The following CMTM3 variants were observed in gnomAD, a reference collection of about 807,000 sequenced individuals.
The protein encoded by CMTM3 is CKLF-like MARVEL transmembrane domain-containing protein 3.
Under a neutral mutation model 18.2 loss-of-function variants are expected in CMTM3, and 7 were observed. That is an observed-to-expected ratio of 0.38 (90% CI 0.22 to 0.72). The LOEUF (loss-of-function observed/expected upper bound fraction) is 0.72, where lower values mean the gene tolerates loss of function less well. Ranked by LOEUF, CMTM3 falls within the 30% of genes least tolerant of loss-of-function variation. CMTM3 has a pLI of 0.46. For synonymous variants in CMTM3, 109 were observed against 111.2 expected, an observed-to-expected ratio of 0.98 and a Z score of 0.12; for missense variants, 227 against 249.2, an observed-to-expected ratio of 0.91 and a Z score of 0.60.
chr16:66,604,865 C>T lies in CMTM3; in HGVS notation c.60C>T (p.Pro20=). 1.4e-6 allele frequency: 2 copies of T among 1,400,378 alleles called. No homozygotes were observed. The highest frequency in any genetic ancestry group is 3.0e-5 in the African/African-American group (2 of 66,374). The allele number at this position is 1,400,378 out of a possible 1,614,324, so 86.7% of individuals were successfully genotyped here. Residue 20 remains proline (P), a synonymous_variant, in exon 1 of 5, where the codon CCC becomes CCT. Transcript: ENST00000567572. ...PDPEPAGGSR[P]GPAVPGLRAL... is the part of the protein sequence containing the mutation. Reference sequence around the variant, plus strand: ...CCGAGCCTGCCGGCGGCTCCCGTCCCGGCCCCGCGGTCCCCGGGCTCCGCG... The same window carrying T: ...CCGAGCCTGCCGGCGGCTCCCGTCCTGGCCCCGCGGTCCCCGGGCTCCGCG...
In CMTM3 at chr16:66,608,986, A is replaced by C. The variant is rs2015265345; in HGVS notation, c.304-449A>C. Among the ~76,000 whole-genome samples the C allele has an allele frequency of 6.6e-6, 1 of 152,104 alleles. No homozygotes were observed. The highest frequency in any genetic ancestry group is 6.5e-5 in the Admixed American group (1 of 15,276). ...CTTCATATCCAGCATCTGCTGCCTC[A>C]GGAGGGCTGCACCCTCTGTGTCCCC... On this transcript the variant is annotated intron_variant, in intron 2 of 4. Coordinates refer to ENST00000567572, the MANE Select transcript of CMTM3 (RefSeq NM_181553.4). This position sits in a 1 kb window ranked among gnomAD's most constrained non-coding sequence, Gnocchi z 5.1.
upstream of CMTM3, chr16:66,604,686 T>C: frequency 1.3e-6 from 1 of 761,812 alleles, no homozygotes; most frequent in Non-Finnish European, 1.8e-6. Context: ...CGGCGGGGGA[T>C]GCGCCCCTGC....
chr16:66,611,851 G>A (rs1447093541), intron 4 of CMTM3, among the ~76,000 whole-genome samples: 1 of 151,936 alleles, frequency 6.6e-6, no homozygotes, highest in African/African-American at 2.4e-5. Context: ...TGGGGGAGGG[G>A]GATTGAAGAT....
rs898390394 is a variant in CMTM3, at chr16:66,609,241, G to C, written c.304-194G>C. On this transcript the variant is annotated intron_variant, in intron 2 of 4. Coordinates refer to ENST00000567572, the MANE Select transcript of CMTM3 (RefSeq NM_181553.4). The surrounding 1 kb of genome is among the most constrained non-coding windows in gnomAD (Gnocchi z 4.4). The stretch of plus-strand genomic sequence containing the variant: ...GCCCCGCTGGACCCGGGATAGGGCA[G>C]TGTCAGCTGCTGGCAAGGCAGCAGA... 6 of 598,860 alleles carry C rather than the reference G, an allele frequency of 1.0e-5. No homozygotes were observed. Among genetic ancestry groups the C allele is most frequent in the African/African-American group, 9.3e-5 (5 of 53,872 alleles). The allele number at this position is 598,860 out of a possible 1,614,324, so 37.1% of individuals were successfully genotyped here. A position where few individuals can be genotyped will look rare whatever the true frequency, so the allele number is the denominator to read the frequency against.
chr16:66,610,105 T>C lies in CMTM3; in HGVS notation c.520+102T>C. 2.1e-6 allele frequency: 3 copies of C among 1,437,832 alleles called. No homozygotes were observed. The highest frequency in any genetic ancestry group is 2.9e-6 in the Non-Finnish European group (3 of 1,044,628). 89.1% of individuals were successfully genotyped at this position (1,437,832 alleles called of 1,614,324 possible). On this transcript the variant is annotated intron_variant, in intron 4 of 4. Transcript: ENST00000567572. This position sits in a 1 kb window ranked among gnomAD's most constrained non-coding sequence, Gnocchi z 4.6. ...GGCTGGGGTGGGATCATTTCCTCTC[T>C]CCCCATGGCAGGAAGTGTTTTCACA...
chr16:66,605,282 G>A lies in CMTM3; in HGVS notation c.147+330G>A, dbSNP rs1012124688. ...CGCCCTCTCTGGGCCCCGGGGACTCGGGCAACTCGGACCTCCGGGACTCCC... is the reference window on the plus strand; with the variant it reads ...CGCCCTCTCTGGGCCCCGGGGACTCAGGCAACTCGGACCTCCGGGACTCCC... On this transcript the variant is annotated intron_variant, in intron 1 of 4. Transcript: ENST00000567572. This position sits in a 1 kb window ranked among gnomAD's most constrained non-coding sequence, Gnocchi z 4.6. 3 of 217,590 alleles carry A rather than the reference G, an allele frequency of 1.4e-5. No homozygotes were observed. Among genetic ancestry groups the A allele is most frequent in the African/African-American group, 6.9e-5 (3 of 43,706 alleles). The allele number at this position is 217,590 out of a possible 1,614,324, so 13.5% of individuals were successfully genotyped here.
Position 66,609,055 on chromosome 16 carries a change from C to T in CMTM3, c.304-380C>T, listed in dbSNP as rs16956806. 0.072 allele frequency among the ~76,000 whole-genome samples: 10,910 copies of T among 152,218 alleles called. 463 individuals carry two copies. Among genetic ancestry groups the T allele is most frequent in the African/African-American group, 0.12 (4,877 of 41,530 alleles). ...CAGAAACTGTGGTCCATGAATGGAT[C>T]GGCCACAAGAGTGTGACAAAGCCGA... On this transcript the variant is annotated intron_variant, in intron 2 of 4. Coordinates refer to ENST00000567572, the MANE Select transcript of CMTM3 (RefSeq NM_181553.4). The surrounding 1 kb of genome is among the most constrained non-coding windows in gnomAD (Gnocchi z 4.4).
Position 66,605,088 on chromosome 16 carries a change from T to A in CMTM3, c.147+136T>A, listed in dbSNP as rs990373912. 3.5e-6 allele frequency: 3 copies of A among 849,930 alleles called. No individual in the cohort carries two copies. The African/African-American group carries it at 5.4e-5, about 15-fold the overall frequency. The allele number at this position is 849,930 out of a possible 1,614,324, so 52.6% of individuals were successfully genotyped here. A position where few individuals can be genotyped will look rare whatever the true frequency, so the allele number is the denominator to read the frequency against. The stretch of plus-strand genomic sequence containing the variant: ...CCTCTCCGCGCCGCCTCGGCCGACT[T>A]CTCTCGGGCGCCTGGCGAAGTTGGG... On this transcript the variant is annotated intron_variant, in intron 1 of 4. Coordinates refer to ENST00000567572, the MANE Select transcript of CMTM3 (RefSeq NM_181553.4). The surrounding 1 kb of genome is among the most constrained non-coding windows in gnomAD (Gnocchi z 4.6).
chr16:66,612,653 C>T lies in CMTM3; in HGVS notation c.*16C>T, dbSNP rs369189650. On this transcript the variant is annotated 3_prime_UTR_variant, in exon 5 of 5. Coordinates refer to ENST00000567572, the MANE Select transcript of CMTM3 (RefSeq NM_181553.4). The surrounding 1 kb of genome is among the most constrained non-coding windows in gnomAD (Gnocchi z 6.0). ...CTCTGACTGAAGGCCTGGCGGGTGC[C>T]TTGGCAACCTGAGCCACACAGGCCT... 6.2e-7 allele frequency: 1 copy of T among 1,613,482 alleles called. No individual in the cohort carries two copies. The highest frequency in any genetic ancestry group is 1.3e-5 in the African/African-American group (1 of 74,936).
chr16:66,607,154 G>A (rs1341384374), intron 1 of CMTM3, among the ~76,000 whole-genome samples: 2 of 152,168 alleles, frequency 1.3e-5, no homozygotes, highest in Non-Finnish European at 2.9e-5. Context: ...TGAGCCTCAG[G>A]GTACCAGGCA....
In CMTM3 at chr16:66,604,963, C is replaced by A. The variant is rs775147469; in HGVS notation, c.147+11C>A. The A allele has an allele frequency of 1.1e-5, 16 of 1,488,514 alleles. No individual in the cohort carries two copies. In the South Asian group the frequency reaches 1.9e-4, roughly 18 times the overall value. The allele number at this position is 1,488,514 out of a possible 1,614,324, so 92.2% of individuals were successfully genotyped here. ...CTGCTGGCCGAGTCGGTGAGTGCGG[C>A]GGGACCCTCGGCCGCCCCGCTAGGA... On this transcript the variant is annotated intron_variant, in intron 1 of 4. Transcript: ENST00000567572.
In CMTM3 at chr16:66,609,898, G is replaced by A; in HGVS notation, c.415G>A (p.Ala139Thr). ...CTGTCCACAGGTGTTTGGCTTCTTTGCTACCATCGTGTTTGCAACTGATTT... is the reference window on the plus strand; with the variant it reads ...CTGTCCACAGGTGTTTGGCTTCTTTACTACCATCGTGTTTGCAACTGATTT... Reference protein sequence around the residue: ...SKAAGVFGFFATIVFATDFYL... With the variant: ...SKAAGVFGFFTTIVFATDFYL... Residue 139 changes from alanine to threonine, a missense_variant, in exon 4 of 5, where the codon GCT (alanine) becomes ACT (threonine). Physicochemically the swap from Ala to Thr is moderately conservative, Grantham distance 58. Transcript: ENST00000567572. This position sits in a 1 kb window ranked among gnomAD's most constrained non-coding sequence, Gnocchi z 4.4. The A allele has an allele frequency of 1.9e-6, 3 of 1,614,144 alleles. No individual in the cohort carries two copies. Among genetic ancestry groups the A allele is most frequent in the African/African-American group, 1.3e-5 (1 of 75,032 alleles).
chr16:66,608,729 G>T lies in CMTM3; in HGVS notation c.303+265G>T, dbSNP rs1488111988. ...GGTCTCTGGCCACCAGGTGGCGCCGGTGCTCCCCACCGGGCCTACAGGAAT... is the reference window on the plus strand; with the variant it reads ...GGTCTCTGGCCACCAGGTGGCGCCGTTGCTCCCCACCGGGCCTACAGGAAT... On this transcript the variant is annotated intron_variant, in intron 2 of 4. Coordinates refer to ENST00000567572, the MANE Select transcript of CMTM3 (RefSeq NM_181553.4). The surrounding 1 kb of genome is among the most constrained non-coding windows in gnomAD (Gnocchi z 5.1). Among the ~76,000 whole-genome samples the T allele has an allele frequency of 3.3e-5, 5 of 152,154 alleles. No homozygotes were observed. Among genetic ancestry groups the T allele is most frequent in the Non-Finnish European group, 7.4e-5 (5 of 68,020 alleles).
chr16:66,608,598 A>G lies in CMTM3; in HGVS notation c.303+134A>G. On this transcript the variant is annotated intron_variant, in intron 2 of 4. Coordinates refer to ENST00000567572, the MANE Select transcript of CMTM3 (RefSeq NM_181553.4). This position sits in a 1 kb window ranked among gnomAD's most constrained non-coding sequence, Gnocchi z 5.1. ...TGCAGTTGGTTAGAACTGGATGGAG[A>G]GACCCAGCTTCAGATCATCCCAGCT... 1 of 826,198 alleles carries G rather than the reference A, an allele frequency of 1.2e-6. No individual in the cohort carries two copies. 51.2% of individuals were successfully genotyped at this position (826,198 alleles called of 1,614,324 possible). A position where few individuals can be genotyped will look rare whatever the true frequency, so the allele number is the denominator to read the frequency against.
chr16:66,612,702 C>A lies in CMTM3; in HGVS notation c.*65C>A. 1 of 1,510,936 alleles carries A rather than the reference C, an allele frequency of 6.6e-7. No individual in the cohort carries two copies. The highest frequency in any genetic ancestry group is 9.2e-7 in the Non-Finnish European group (1 of 1,089,646). 93.6% of individuals were successfully genotyped at this position (1,510,936 alleles called of 1,614,324 possible). ...CTCCACCCCTGCGCCTCACAGGGGT[C>A]GCTGGCGTTGGAGCGGAGGCCTGGA... On this transcript the variant is annotated 3_prime_UTR_variant, in exon 5 of 5. Coordinates refer to ENST00000567572, the MANE Select transcript of CMTM3 (RefSeq NM_181553.4). This position sits in a 1 kb window ranked among gnomAD's most constrained non-coding sequence, Gnocchi z 6.0.
At chr16:66,604,128 C>T (rs45446298), upstream of CMTM3, 519 of 117,034 alleles carry the variant, frequency 4.4e-3, 5 homozygotes, top group Non-Finnish European at 6.6e-3. Context: ...TGTGTGTTTG[C>T]GCGCGCGCGC....
rs1254901849 is a variant in CMTM3, at chr16:66,608,158, C to G, written c.148-151C>G. The stretch of plus-strand genomic sequence containing the variant: ...ACTGTGCTTGGCCTGGGATTCTAAT[C>G]TGGCTCTGCCACTTCCCAGCTGCGG... On this transcript the variant is annotated intron_variant, in intron 1 of 4. Transcript: ENST00000567572. The surrounding 1 kb of genome is among the most constrained non-coding windows in gnomAD (Gnocchi z 5.1). 1 of 784,164 alleles carries G rather than the reference C, an allele frequency of 1.3e-6. No individual in the cohort carries two copies. Among genetic ancestry groups the G allele is most frequent in the African/African-American group, 1.7e-5 (1 of 57,826 alleles). 48.6% of individuals were successfully genotyped at this position (784,164 alleles called of 1,614,324 possible).
chr16:66,604,719 C>T lies in CMTM3; in HGVS notation c.-87C>T, dbSNP rs2015059661. Reference sequence around the variant, plus strand: ...TGCGCGAGCCAGTGTCGCCTGCCCTCCTTCCGCACAGCCCGGGTTTCCGCT... The same window carrying T: ...TGCGCGAGCCAGTGTCGCCTGCCCTTCTTCCGCACAGCCCGGGTTTCCGCT... On this transcript the variant is annotated 5_prime_UTR_variant, in exon 1 of 5. Coordinates refer to ENST00000567572, the MANE Select transcript of CMTM3 (RefSeq NM_181553.4). 5 of 1,064,846 alleles carry T rather than the reference C, an allele frequency of 4.7e-6. No homozygotes were observed. Among genetic ancestry groups the T allele is most frequent in the East Asian group, 3.6e-5 (1 of 27,660 alleles). The allele number at this position is 1,064,846 out of a possible 1,614,324, so 66.0% of individuals were successfully genotyped here.
At position 66,608,505 on chromosome 16, in the gene CMTM3, A is replaced by G. The variant is rs1260672404; in HGVS notation, c.303+41A>G. On this transcript the variant is annotated intron_variant, in intron 2 of 4. Transcript: ENST00000567572. This position sits in a 1 kb window ranked among gnomAD's most constrained non-coding sequence, Gnocchi z 5.1. ...CCAGGAGGGAGGGGTGCCCTGCACA[A>G]AGTGGCCAGATGAGGAGTCCAGAGT... The G allele has an allele frequency of 6.2e-7, 1 of 1,605,952 alleles. No individual in the cohort carries two copies. The highest frequency in any genetic ancestry group is 1.7e-5 in the Admixed American group (1 of 59,870).
Sources: allele counts gnomAD v4.1 joint callset (sites outside exome capture counted in the v4.1 genomes callset), GRCh38; gene constraint gnomAD v4.1.1; non-coding constraint Gnocchi (gnomAD v3.1); transcripts MANE v1.5; gene names NCBI Gene and HGNC (gene_info 2026-07-23, HGNC 2026-07-21).